Variants in MPPED2 observed in about 807,000 individuals in gnomAD.
MPPED2 encodes metallophosphoesterase MPPED2.
MPPED2 carries 5 observed loss-of-function variants against 33.0 expected under a neutral mutation model. The ratio of observed to expected loss-of-function variants is 0.15; its 90% CI spans 0.08 to 0.32. The LOEUF is 0.32. Among genes scored for constraint, MPPED2 ranks in the 10% least tolerant of loss-of-function variants. The pLI, the probability that MPPED2 is intolerant of heterozygous loss-of-function variation, is 1.00. For synonymous variants in MPPED2, 136 were observed against 141.9 expected (o/e 0.96, Z 0.29); for missense variants, 275 against 372.1 (o/e 0.74, Z 2.15).
chr11:30,484,253 T>G (rs947260583), intron 4 of MPPED2, among the ~76,000 whole-genome samples: 2 of 152,156 alleles, frequency 1.3e-5, no homozygotes, highest in African/African-American at 4.8e-5. Context: ...AGACTATTAT[T>G]TAAGCTAGGT....
At chr11:30,521,427 A>G (rs1352723642) in intron 3 of MPPED2, among the ~76,000 whole-genome samples, 1 of 152,202 alleles carries the variant, frequency 6.6e-6, no homozygotes, top group African/African-American at 2.4e-5. Flanking sequence ...AGTTTCCACA[A>G]GGACTAACAG....
chr11:30,474,862 A>C (rs550704536), intron 4 of MPPED2, among the ~76,000 whole-genome samples: 1 of 152,310 alleles, frequency 6.6e-6, no homozygotes, highest in East Asian at 1.9e-4. Flanking sequence ...ACTTGCAGCC[A>C]AAAGTGTTTT....
chr11:30,515,843 T>C (rs1296691106), intron 3 of MPPED2, among the ~76,000 whole-genome samples: 1 of 152,126 alleles, frequency 6.6e-6, no homozygotes, highest in Non-Finnish European at 1.5e-5. Context: ...TAAAATCCCA[T>C]CAAGCGAAGA....
intron 4 of MPPED2, among the ~76,000 whole-genome samples, chr11:30,478,256 C>A (rs988817746): frequency 1.3e-5 from 2 of 151,950 alleles, no homozygotes; most frequent in Admixed American, 6.6e-5. Context: ...GGAGCTTATT[C>A]CTCCATAACT....
At chr11:30,517,393 G>A (rs1326681051) in intron 3 of MPPED2, among the ~76,000 whole-genome samples, 1 of 152,090 alleles carries the variant, frequency 6.6e-6, no homozygotes, top group East Asian at 1.9e-4. Flanking sequence ...ATAATCACAA[G>A]CACAAAATTT....
intron 2 of MPPED2, among the ~76,000 whole-genome samples, chr11:30,563,864 G>A (rs1956332981): frequency 6.6e-6 from 1 of 152,164 alleles, no homozygotes. Flanking sequence ...CTATGTGTGG[G>A]TATCCCCTTA....
intron 2 of MPPED2, among the ~76,000 whole-genome samples, chr11:30,571,413 CAG>C (rs1319829362): frequency 1.3e-5 from 2 of 151,956 alleles, no homozygotes; most frequent in Non-Finnish European, 2.9e-5. Context: ...ATAAATTCAA[CAG>C]AGTTTCCTCT....
intron 4 of MPPED2, among the ~76,000 whole-genome samples, chr11:30,474,487 C>T (rs1379992324): frequency 2.0e-5 from 3 of 152,138 alleles, no homozygotes; most frequent in African/African-American, 4.8e-5. Flanking sequence ...TGTGTGGTAC[C>T]GATGGGGTCC....
intron 3 of MPPED2, among the ~76,000 whole-genome samples, chr11:30,516,051 C>A (rs919593147): frequency 1.3e-5 from 2 of 152,082 alleles, no homozygotes; most frequent in African/African-American, 4.8e-5. Context: ...ACACCCCTAC[C>A]CCATAGCATG....
At chr11:30,456,436 G>C (rs1027208690) in intron 4 of MPPED2, among the ~76,000 whole-genome samples, 1 of 152,190 alleles carries the variant, frequency 6.6e-6, no homozygotes, top group African/African-American at 2.4e-5. Flanking sequence ...TGGGGTAACA[G>C]ATGTTGGGGT....
intron 4 of MPPED2, among the ~76,000 whole-genome samples, chr11:30,445,783 A>T (rs1487535110): frequency 6.6e-6 from 1 of 152,158 alleles, no homozygotes; most frequent in Admixed American, 6.5e-5. Context: ...ATGTGTTAGG[A>T]TTTCCTTCTG....
At chr11:30,518,060 T>A (rs1426522474) in intron 3 of MPPED2, among the ~76,000 whole-genome samples, 2 of 152,132 alleles carry the variant, frequency 1.3e-5, no homozygotes, top group East Asian at 3.9e-4. Context: ...GGCAAAGAAA[T>A]CAAACATTAG....
intron 4 of MPPED2, among the ~76,000 whole-genome samples, chr11:30,419,801 C>G (rs1948531988): frequency 6.6e-6 from 1 of 152,068 alleles, no homozygotes; most frequent in Non-Finnish European, 1.5e-5. Context: ...TTTATCTGTC[C>G]TATAGATAGC....
At chr11:30,552,066 A>C (rs1186611707) in intron 2 of MPPED2, among the ~76,000 whole-genome samples, 1 of 152,128 alleles carries the variant, frequency 6.6e-6, no homozygotes, top group African/African-American at 2.4e-5. Context: ...AGCATCCTAC[A>C]CCCTAACTGG....
intron 2 of MPPED2, among the ~76,000 whole-genome samples, chr11:30,552,425 A>C (rs988365946): frequency 1.3e-5 from 2 of 152,258 alleles, no homozygotes; most frequent in Non-Finnish European, 2.9e-5. Flanking sequence ...TATGTATATA[A>C]AAAGCAAAGA....
At chr11:30,508,013 G>A (rs937733280) in intron 3 of MPPED2, among the ~76,000 whole-genome samples, 2 of 152,004 alleles carry the variant, frequency 1.3e-5, no homozygotes, top group Non-Finnish European at 2.9e-5. Context: ...TAGAGATCTA[G>A]GCCTCAGCAT....
chr11:30,534,610 TA>T (rs1255430741), intron 3 of MPPED2, among the ~76,000 whole-genome samples: 12 of 152,214 alleles, frequency 7.9e-5, no homozygotes, highest in African/African-American at 2.9e-4. Flanking sequence ...CTAGTACCTA[TA>T]CATTCATTCA....
intron 2 of MPPED2, among the ~76,000 whole-genome samples, chr11:30,542,074 T>C (rs1221920356): frequency 6.6e-6 from 1 of 152,222 alleles, no homozygotes; most frequent in African/African-American, 2.4e-5. Context: ...AATAACAGGT[T>C]TAAGTTACCA....
intron 4 of MPPED2, among the ~76,000 whole-genome samples, chr11:30,493,595 CAA>C (rs5790817): frequency 1.8e-3 from 257 of 143,502 alleles, no homozygotes; most frequent in African/African-American, 3.7e-3. Context: ...TATACACCCT[CAA>C]AAAAAAAAAA....
Sources: gnomAD v4.1 joint callset for allele counts (sites outside exome capture counted in the v4.1 genomes callset) on GRCh38, gnomAD v4.1.1 for gene constraint, MANE v1.5 for transcripts, NCBI Gene and HGNC (gene_info 2026-07-23, HGNC 2026-07-21) for gene names.